CADPS: variants seen among roughly 807,000 people sequenced by gnomAD.
CADPS encodes the protein calcium dependent secretion activator.
CADPS carries 57 observed loss-of-function variants against 167.3 expected under a neutral mutation model. The ratio of observed to expected loss-of-function variants is 0.34; its 90% CI spans 0.28 to 0.42. The LOEUF is 0.42. Ranked by LOEUF, CADPS falls within the 20% of genes least tolerant of loss-of-function variation. The pLI is 1.00. For missense variants in CADPS, 1,414 were observed against 1,738.1 expected (o/e 0.81, Z 3.32); for synonymous variants, 676 against 635.3 (o/e 1.06, Z -0.96).
rs143093718 is a variant in CADPS at position 62,425,874 on chromosome 3, C to T, written c.3777+12230G>A. 5.4e-3 allele frequency among the ~76,000 whole-genome samples: 822 copies of T among 152,292 alleles called. 7 individuals are homozygous for T. The highest frequency in any genetic ancestry group is 0.019 in the African/African-American group (773 of 41,564). On this transcript the variant is annotated intron_variant, in intron 28 of 29. Coordinates refer to ENST00000383710, the MANE Select transcript of CADPS (RefSeq NM_003716.4). ...CCTAAGCATAGACTCCTGCCTCTTT[C>T]GCCTCCCCAAATCCTGGACATCTGT...
chr3:62,624,055 C>T (rs541013360), intron 6 of CADPS, among the ~76,000 whole-genome samples: 9 of 152,094 alleles, frequency 5.9e-5, no homozygotes, highest in Non-Finnish European at 8.8e-5. Flanking sequence ...CCTTCTAGAA[C>T]GTTTTAAAGT....
chr3:62,631,003 A>ATT (rs1015685992), intron 6 of CADPS, among the ~76,000 whole-genome samples: 2 of 149,868 alleles, frequency 1.3e-5, no homozygotes, highest in African/African-American at 4.9e-5. Context: ...TGGGTCAAAT[A>ATT]TTTTTTTTTT....
chr3:62,790,264 T>C (rs759897430), intron 1 of CADPS, among the ~76,000 whole-genome samples: 16 of 152,178 alleles, frequency 1.1e-4, no homozygotes, highest in Non-Finnish European at 2.1e-4. Flanking sequence ...GTAGTATCTC[T>C]GAATAACTGG....
chr3:62,617,565 C>G (rs2062517400), intron 6 of CADPS, among the ~76,000 whole-genome samples: 1 of 151,920 alleles, frequency 6.6e-6, no homozygotes, highest in Non-Finnish European at 1.5e-5. Context: ...GTGGAGAAAC[C>G]CCAAAATGAA....
intron 6 of CADPS, among the ~76,000 whole-genome samples, chr3:62,617,765 C>G (rs1051247398): frequency 7.2e-5 from 11 of 152,094 alleles, no homozygotes; most frequent in Admixed American, 4.6e-4. Flanking sequence ...GGGTGGCTTA[C>G]TTAGGTTGCT....
At chr3:62,667,421 G>A (rs542505145) in intron 3 of CADPS, among the ~76,000 whole-genome samples, 15 of 152,000 alleles carry the variant, frequency 9.9e-5, no homozygotes, top group African/African-American at 3.6e-4. Flanking sequence ...AGCCAAAGTC[G>A]TGACCTCTCG....
At chr3:62,491,266 A>T in intron 21 of CADPS, 73 bp downstream of exon 21, 1 of 1,442,454 alleles carries the variant, frequency 6.9e-7, no homozygotes, top group Non-Finnish European at 9.6e-7. Context: ...ATATGACATC[A>T]TTAATCCATT....
In CADPS at chr3:62,740,092, T is replaced by C. The variant is rs545672189; in HGVS notation, c.888+13349A>G. Among the ~76,000 whole-genome samples the C allele has an allele frequency of 1.3e-3, 191 of 152,370 alleles. 1 individual carries two copies. Among genetic ancestry groups the C allele is most frequent in the Non-Finnish European group, 2.6e-3 (176 of 68,032 alleles). ...TGATTGGGGTTCTGTTGACCTAGAC[T>C]GAGCATGGCTGTAGGTTTTAGACTA... is the stretch of plus-strand genomic sequence containing the variant. On this transcript the variant is annotated intron_variant, in intron 3 of 29. Coordinates refer to ENST00000383710, the MANE Select transcript of CADPS (RefSeq NM_003716.4).
At chr3:62,569,850 A>G (rs1294243756) in intron 9 of CADPS, among the ~76,000 whole-genome samples, 2 of 152,208 alleles carry the variant, frequency 1.3e-5, no homozygotes, top group African/African-American at 4.8e-5. Context: ...GAAAATTAAA[A>G]ACAGGCACTG....
At chr3:62,528,107 GACTGC>G (rs1227653316) in intron 13 of CADPS, among the ~76,000 whole-genome samples, 2 of 152,158 alleles carry the variant, frequency 1.3e-5, no homozygotes, top group African/African-American at 4.8e-5. Context: ...TAATTCAGAT[GACTGC>G]TGTAGCATCT....
chr3:62,754,075 G>A (rs1322594369), intron 2 of CADPS, among the ~76,000 whole-genome samples: 1 of 152,230 alleles, frequency 6.6e-6, no homozygotes, highest in African/African-American at 2.4e-5. Flanking sequence ...TGCCCGGGCT[G>A]CATAGGTTCT....
chr3:62,810,841 G>T (rs1267156130), intron 1 of CADPS, among the ~76,000 whole-genome samples: 1 of 152,224 alleles, frequency 6.6e-6, no homozygotes, highest in Non-Finnish European at 1.5e-5. Flanking sequence ...AGGGCGCAGG[G>T]CTCTTACGTG....
In CADPS at chr3:62,812,413, T is replaced by G. The variant is rs542760646; in HGVS notation, c.442-46429A>C. 2.0e-5 allele frequency among the ~76,000 whole-genome samples: 3 copies of G among 152,304 alleles called. No individual in the cohort carries two copies. The South Asian group carries it at 6.2e-4, about 32-fold the overall frequency. On this transcript the variant is annotated intron_variant, in intron 1 of 29. Transcript: ENST00000383710. ...TTCATCAGTTAGTGAGTACTAGAGC[T>G]GAAATCTGAAAACAGAAACTGTCAT...
chr3:62,678,914 A>G (rs2076717111), intron 3 of CADPS, among the ~76,000 whole-genome samples: 1 of 152,034 alleles, frequency 6.6e-6, no homozygotes, highest in Admixed American at 6.6e-5. Flanking sequence ...CACCAGTTGT[A>G]TATGAGAAGA....
intron 1 of CADPS, among the ~76,000 whole-genome samples, chr3:62,856,059 C>T (rs1039897851): frequency 2.0e-5 from 3 of 151,854 alleles, no homozygotes; most frequent in Non-Finnish European, 4.4e-5. Flanking sequence ...ATTTCAGTAA[C>T]AACAGAAACA....
intron 3 of CADPS, among the ~76,000 whole-genome samples, chr3:62,701,171 C>T (rs1418983478): frequency 1.3e-5 from 2 of 152,090 alleles, no homozygotes; most frequent in African/African-American, 2.4e-5. Context: ...GGGACACAAA[C>T]ATTCAGTCTA....
At chr3:62,499,135 G>C in intron 18 of CADPS, 27 bp downstream of exon 18, 1 of 1,447,172 alleles carries the variant, frequency 6.9e-7, no homozygotes, top group South Asian at 1.1e-5. Flanking sequence ...GGGACAGTAA[G>C]ATACACTTCC....
At chr3:62,605,613 C>A (rs1393314237) in intron 6 of CADPS, among the ~76,000 whole-genome samples, 1 of 152,218 alleles carries the variant, frequency 6.6e-6, no homozygotes, top group African/African-American at 2.4e-5. Context: ...GGCAGCCTAG[C>A]TTCTACATCC....
chr3:62,580,375 G>T (rs981965729), intron 8 of CADPS, among the ~76,000 whole-genome samples: 1 of 152,030 alleles, frequency 6.6e-6, no homozygotes. Flanking sequence ...TCATAGATCG[G>T]AATTGAACAA....
Sources: allele counts gnomAD v4.1 joint callset (sites outside exome capture counted in the v4.1 genomes callset), GRCh38; gene constraint gnomAD v4.1.1; transcripts MANE v1.5; gene names NCBI Gene and HGNC (gene_info 2026-07-23, HGNC 2026-07-21).